NEBL: variants seen among roughly 807,000 people sequenced by gnomAD.
The protein encoded by NEBL is LIM and SH3 protein 2.
A neutral mutation model predicts 140.2 loss-of-function variants in NEBL; 122 were observed. The observed-to-expected ratio is 0.87, with a 90% CI of 0.75 to 1.01. NEBL has a LOEUF of 1.01. NEBL is among the 50% of genes least tolerant of loss of function. The pLI, the probability that NEBL is intolerant of heterozygous loss-of-function variation, is 0.00. For missense variants in NEBL, 1,365 were observed against 1,231.3 expected (o/e 1.11, Z -1.62); for synonymous variants, 436 against 398.9 (o/e 1.09, Z -1.11).
At chr10:20,828,453 G>T (rs1383985687) in intron 17 of NEBL, 77 bp downstream of exon 17, 4 of 915,314 alleles carry the variant, frequency 4.4e-6, no homozygotes, top group Non-Finnish European at 7.2e-6. Flanking sequence ...GAAAACATCA[G>T]ACAATGAGGA....
intron 26 of NEBL, among the ~76,000 whole-genome samples, chr10:20,796,346 G>T (rs1443693998): frequency 8.9e-6 from 1 of 111,820 alleles, no homozygotes; most frequent in Admixed American, 1.1e-4. Flanking sequence ...GGTGACAAGA[G>T]TGAAACTCAG....
chr10:21,170,950 C>A (rs1440361529), intron 2 of NEBL, among the ~76,000 whole-genome samples: 1 of 152,152 alleles, frequency 6.6e-6, no homozygotes, highest in Non-Finnish European at 1.5e-5. Flanking sequence ...GAGGATGAAT[C>A]TCTGGCAACA....
intron 3 of NEBL, among the ~76,000 whole-genome samples, chr10:21,013,665 G>A (rs1394336292): frequency 6.6e-6 from 1 of 152,128 alleles, no homozygotes; most frequent in Non-Finnish European, 1.5e-5. Context: ...ATCACTTGAG[G>A]TCAGGAGTTC....
intron 2 of NEBL, among the ~76,000 whole-genome samples, chr10:21,169,071 T>TATAC (rs1432996558): frequency 1.1e-4 from 4 of 36,738 alleles, no homozygotes; most frequent in Non-Finnish European, 1.9e-4. Context: ...AAAAAAAATA[T>TATAC]ATATATATAT....
chr10:20,796,602 A>C (rs944795213), intron 26 of NEBL, among the ~76,000 whole-genome samples: 83 of 152,244 alleles, frequency 5.5e-4, no homozygotes, highest in African/African-American at 2.0e-3. Context: ...CTAAACCATA[A>C]TATGGTTTAA....
At chr10:21,196,250 C>T (rs1219578639) in intron 3 of NEBL, among the ~76,000 whole-genome samples, 5 of 151,988 alleles carry the variant, frequency 3.3e-5, no homozygotes, top group Non-Finnish European at 7.4e-5. Flanking sequence ...GATCTGCCTG[C>T]CTTAGCCTCC....
At chr10:21,257,127 T>C (rs1842667582) in intron 1 of NEBL, among the ~76,000 whole-genome samples, 1 of 151,946 alleles carries the variant, frequency 6.6e-6, no homozygotes, top group African/African-American at 2.4e-5. Flanking sequence ...CACAGTATTA[T>C]CTATTGAGTG....
At chr10:20,939,413 C>G (rs1554809661) in intron 4 of NEBL, among the ~76,000 whole-genome samples, 1 of 152,112 alleles carries the variant, frequency 6.6e-6, no homozygotes, top group Non-Finnish European at 1.5e-5. Context: ...CAAGCCTGCC[C>G]TAAAAGAGCT....
intron 4 of NEBL, among the ~76,000 whole-genome samples, chr10:20,928,435 C>T (rs1834015827): frequency 6.6e-6 from 1 of 152,118 alleles, no homozygotes; most frequent in Non-Finnish European, 1.5e-5. Flanking sequence ...AGAACTCAGA[C>T]ATATATACAG....
At chr10:20,850,528 A>G (rs1842404366) in intron 10 of NEBL, 26 bp from the exon 11 acceptor site, 3 of 1,456,614 alleles carry the variant, frequency 2.1e-6, no homozygotes, top group South Asian at 1.1e-5. Context: ...AAAAGCATAT[A>G]CAAATCGAAA....
Position 20,974,120 on chromosome 10 carries a change from T to C in NEBL, c.250-12341A>G, listed in dbSNP as rs146596138. Reference sequence around the variant, plus strand: ...ACAACCCAGGACCAGCATTGCCATCTGTGAATAGTAGAGTCAGGATTCAAA... The same window carrying C: ...ACAACCCAGGACCAGCATTGCCATCCGTGAATAGTAGAGTCAGGATTCAAA... On this transcript the variant is annotated intron_variant, in intron 3 of 6. Coordinates refer to the NEBL transcript ENST00000417816. 5.3e-5 allele frequency among the ~76,000 whole-genome samples: 8 copies of C among 152,354 alleles called. No homozygotes were observed. The East Asian group carries it at 5.8e-4, about 11-fold the overall frequency.
intron 4 of NEBL, among the ~76,000 whole-genome samples, chr10:20,960,030 A>G (rs45549131): frequency 0.099 from 15,031 of 152,078 alleles, 1,080 homozygotes; most frequent in African/African-American, 0.2. Context: ...TAAAATGATC[A>G]GTATTTTTTA....
intron 2 of NEBL, among the ~76,000 whole-genome samples, chr10:21,068,728 A>T (rs1284101423): frequency 1.3e-5 from 2 of 152,188 alleles, no homozygotes; most frequent in Non-Finnish European, 2.9e-5. Flanking sequence ...AAAAGTCCTG[A>T]CTAATGTCAA....
intron 24 of NEBL, among the ~76,000 whole-genome samples, 179 bp downstream of exon 24, chr10:20,812,590 T>C (rs912588764): frequency 6.6e-6 from 1 of 151,624 alleles, no homozygotes; most frequent in African/African-American, 2.4e-5. Flanking sequence ...ACCAGGTGAA[T>C]GCCAGAAATC....
intron 2 of NEBL, among the ~76,000 whole-genome samples, chr10:20,893,177 G>A (rs1459913360): frequency 6.6e-6 from 1 of 152,090 alleles, no homozygotes; most frequent in Admixed American, 6.6e-5. Flanking sequence ...TAATCTACAA[G>A]AAACATACAA....
chr10:21,292,036 C>G (rs947056409), intron 1 of NEBL, among the ~76,000 whole-genome samples: 2 of 152,084 alleles, frequency 1.3e-5, no homozygotes, highest in African/African-American at 4.8e-5. Context: ...AAACACAGTC[C>G]AGCTATATCT....
chr10:20,970,872 A>G (rs1836540060), intron 3 of NEBL, among the ~76,000 whole-genome samples: 1 of 152,236 alleles, frequency 6.6e-6, no homozygotes, highest in Non-Finnish European at 1.5e-5. Context: ...TGACAAGGAA[A>G]AAAATGCCAA....
intron 4 of NEBL, among the ~76,000 whole-genome samples, chr10:20,954,122 A>G (rs1296572385): frequency 2.6e-5 from 4 of 152,146 alleles, no homozygotes; most frequent in Non-Finnish European, 4.4e-5. Flanking sequence ...TATTTATTTG[A>G]TAACTACTTT....
At chr10:21,099,180 T>C (rs1018089176) in intron 2 of NEBL, among the ~76,000 whole-genome samples, 2 of 152,224 alleles carry the variant, frequency 1.3e-5, no homozygotes, top group Non-Finnish European at 2.9e-5. Flanking sequence ...TATACCTTTT[T>C]CATAGACATA....
Sources: gnomAD v4.1 joint callset for allele counts (sites outside exome capture counted in the v4.1 genomes callset) on GRCh38, gnomAD v4.1.1 for gene constraint, MANE v1.5 for transcripts, NCBI Gene and HGNC (gene_info 2026-07-23, HGNC 2026-07-21) for gene names.